Variants in FHIP2B observed in about 807,000 individuals in gnomAD.
The protein encoded by FHIP2B is FHF complex subunit HOOK interacting protein 2B, also known as FHF complex subunit HOOK-interacting protein 2B.
Under a neutral mutation model 84.0 loss-of-function variants are expected in FHIP2B, and 72 were observed. The observed-to-expected ratio is 0.86, with a 90% CI of 0.71 to 1.04. The LOEUF (loss-of-function observed/expected upper bound fraction) is 1.04. Ranked by LOEUF, FHIP2B falls within the 50% of genes least tolerant of loss-of-function variation. FHIP2B has a pLI of 0.00. For synonymous variants in FHIP2B, 497 were observed against 418.7 expected (o/e 1.19, Z -2.28); for missense variants, 972 against 968.9 (o/e 1.00, Z -0.04).
chr8:22,096,618 C>T (rs952777793), intron 3 of FHIP2B, 109 bp downstream of exon 3: 26 of 1,374,842 alleles, frequency 1.9e-5, no homozygotes, highest in Non-Finnish European at 4.7e-6. Context: ...AGGTGGGAGA[C>T]CCTCTGAGTG....
At chr8:22,093,706 G>GTT (rs1328224891) in intron 1 of FHIP2B, among the ~76,000 whole-genome samples, 1 of 36,212 alleles carries the variant, frequency 2.8e-5, no homozygotes, top group African/African-American at 1.3e-4. Flanking sequence ...GAAAAGCTTT[G>GTT]TCTTTTTTTT....
chr8:22,089,513 C>T (rs1314437177), intron 1 of FHIP2B, among the ~76,000 whole-genome samples: 2 of 150,596 alleles, frequency 1.3e-5, no homozygotes, highest in South Asian at 4.1e-4. Flanking sequence ...CTCCCGACCG[C>T]CCCACCTCCC....
rs1826190360 is a variant in FHIP2B, at chr8:22,102,600, CA to C, written c.2066del (p.Gln689ArgfsTer2). The C allele has an allele frequency of 6.4e-7, 1 of 1,563,518 alleles. No individual in the cohort carries two copies. The highest frequency in any genetic ancestry group is 1.2e-5 in the South Asian group (1 of 84,916). On this transcript the variant is annotated frameshift_variant, in exon 16 of 17. Transcript: ENST00000289921. LOFTEE classifies it high-confidence loss of function. ...FPGKLLLVRK[Q>X]LTGQAPGEQL... Reference sequence around the variant, plus strand: ...AGGCAAGCTGCTCCTGGTGCGCAAGCAGTTGACGGGCCAGGCTCCTGGGGAG... The same window carrying C: ...AGGCAAGCTGCTCCTGGTGCGCAAGCGTTGACGGGCCAGGCTCCTGGGGAG...
intron 1 of FHIP2B, among the ~76,000 whole-genome samples, chr8:22,090,595 T>C (rs1329422512): frequency 6.6e-6 from 1 of 152,220 alleles, no homozygotes; most frequent in Non-Finnish European, 1.5e-5. Flanking sequence ...GGCCAGACAG[T>C]TCCTCAGTCC....
At chr8:22,093,992 C>T (rs574981626) in intron 1 of FHIP2B, among the ~76,000 whole-genome samples, 3 of 152,260 alleles carry the variant, frequency 2.0e-5, no homozygotes, top group Admixed American at 2.0e-4. Flanking sequence ...GTTGGGCTTA[C>T]AGGCGTGAGC....
At chr8:22,094,175 G>C (rs1280058867) in intron 1 of FHIP2B, among the ~76,000 whole-genome samples, 1 of 152,184 alleles carries the variant, frequency 6.6e-6, no homozygotes, top group Non-Finnish European at 1.5e-5. Flanking sequence ...ACAGAGACAG[G>C]ACAGGATTGT....
chr8:22,100,978 G>A lies in FHIP2B; in HGVS notation c.1616+6G>A. On this transcript the variant is annotated splice_donor_region_variant and intron_variant, in intron 12 of 16. Coordinates refer to ENST00000289921, the MANE Select transcript of FHIP2B (RefSeq NM_022749.7). ...GTGACCGAGATCGTCAACAGGTGGGGAGCAAGTTAGGCAGTCTGAACCACT... is the reference window on the plus strand; with the variant it reads ...GTGACCGAGATCGTCAACAGGTGGGAAGCAAGTTAGGCAGTCTGAACCACT... 1 of 1,613,536 alleles carries A rather than the reference G, an allele frequency of 6.2e-7. No individual in the cohort carries two copies. Among genetic ancestry groups the A allele is most frequent in the Non-Finnish European group, 8.5e-7 (1 of 1,179,750 alleles).
At chr8:22,091,463 C>T (rs189055625) in intron 1 of FHIP2B, among the ~76,000 whole-genome samples, 1 of 152,126 alleles carries the variant, frequency 6.6e-6, no homozygotes, top group East Asian at 1.9e-4. Flanking sequence ...AGGCTGGTCT[C>T]GAACTCCTGA....
intron 8 of FHIP2B, 95 bp from the exon 9 acceptor site, chr8:22,099,189 C>T (rs186860563): frequency 7.3e-5 from 112 of 1,535,878 alleles, no homozygotes; most frequent in Admixed American, 1.4e-4. Context: ...GGCCGGGACC[C>T]TCTCCTGTGG....
At position 22,101,726 on chromosome 8, in the gene FHIP2B, C is replaced by T. The variant is rs780495400; in HGVS notation, c.1726C>T (p.Arg576Cys). 1.4e-5 allele frequency: 22 copies of T among 1,612,132 alleles called. No individual in the cohort carries two copies. The highest frequency in any genetic ancestry group is 5.5e-5 in the South Asian group (5 of 90,746). ...GTCTCAGTTCCAGGAGTGCAGCTCC[C>T]GCGTCGCCTCCTGGGGCTGGCCTCT... is the stretch of plus-strand genomic sequence containing the variant. ...AYGLFQECSS[R>C]VASWGWPLTP... Residue 576 changes from arginine (R) to cysteine (C), a missense_variant, in exon 14 of 17, where the codon CGC (arginine) becomes TGC (cysteine). Arg to Cys is a radical substitution (Grantham distance 180). Coordinates refer to ENST00000289921, the MANE Select transcript of FHIP2B (RefSeq NM_022749.7).
At chr8:22,101,633 T>C in intron 13 of FHIP2B, 75 bp from the exon 14 acceptor site, 1 of 1,557,484 alleles carries the variant, frequency 6.4e-7, no homozygotes, top group East Asian at 2.4e-5. Context: ...CCCCAGCCCA[T>C]CCCTCCTGCG....
At chr8:22,091,240 CTTTTTTT>C (rs71204535) in intron 1 of FHIP2B, among the ~76,000 whole-genome samples, 1 of 117,710 alleles carries the variant, frequency 8.5e-6, no homozygotes, top group Non-Finnish European at 1.8e-5. Flanking sequence ...ATCATTACAG[CTTTTTTT>C]TTTTTTTTTT....
chr8:22,093,083 G>A (rs1825578788), intron 1 of FHIP2B, among the ~76,000 whole-genome samples: 1 of 152,150 alleles, frequency 6.6e-6, no homozygotes, highest in Non-Finnish European at 1.5e-5. Context: ...TAAAGTGTGA[G>A]GTCAGAGAGG....
chr8:22,098,084 G>A lies in FHIP2B; in HGVS notation c.542G>A (p.Gly181Asp). Residue 181 changes from glycine (G) to aspartate (D), a missense_variant, in exon 6 of 17, where the codon GGT becomes GAT. Physicochemically the swap from Gly to Asp is moderately conservative, Grantham distance 94. Transcript: ENST00000289921. ...TCTTTTCAGGGTAAAAAGATTGTAG[G>A]TAGGAAGAAAGCATGCGGAGAACCC... ...AYILEGKKIV[G>D]RKKACGEPTA... The A allele has an allele frequency of 6.3e-7, 1 of 1,592,556 alleles. No homozygotes were observed.
chr8:22,100,770 C>T, intron 11 of FHIP2B, 31 bp downstream of exon 11: 1 of 1,609,298 alleles, frequency 6.2e-7, no homozygotes, highest in Non-Finnish European at 8.5e-7. Context: ...TTGGACTCAG[C>T]CCAGCCCTTA....
rs1203437038 is a variant in FHIP2B, at chr8:22,098,230, C to A, written c.688C>A (p.Pro230Thr). Residue 230 changes from proline (P) to threonine (T), a missense_variant, in exon 6 of 17, where the codon CCT (proline) becomes ACT (threonine). Coordinates refer to ENST00000289921, the MANE Select transcript of FHIP2B (RefSeq NM_022749.7). ...GGCCCAGGCCTTGAACAGCCACATG[C>A]CTGCTGAGACCGAGGAGCTGGACGG... The part of the protein sequence containing the change: ...CGAQALNSHM[P>T]AETEELDGGT... 6.3e-7 allele frequency: 1 copy of A among 1,590,004 alleles called. No homozygotes were observed. Among genetic ancestry groups the A allele is most frequent in the South Asian group, 1.1e-5 (1 of 87,248 alleles).
At chr8:22,100,442 C>A in intron 10 of FHIP2B, 152 bp from the exon 11 acceptor site, 1 of 785,318 alleles carries the variant, frequency 1.3e-6, no homozygotes, top group Non-Finnish European at 1.8e-6. Context: ...GCCCACACCC[C>A]CCAACTACCC....
chr8:22,090,776 C>T (rs1825449623), intron 1 of FHIP2B, among the ~76,000 whole-genome samples: 1 of 152,196 alleles, frequency 6.6e-6, no homozygotes, highest in South Asian at 2.1e-4. Flanking sequence ...AGGCATGCGG[C>T]ACCACGCCAG....
At chr8:22,090,398 T>G (rs1825426025) in intron 1 of FHIP2B, among the ~76,000 whole-genome samples, 1 of 152,072 alleles carries the variant, frequency 6.6e-6, no homozygotes, top group African/African-American at 2.4e-5. Context: ...AACTATGACT[T>G]CCTCCACCTT....
Sources: gnomAD v4.1 joint callset for allele counts (sites outside exome capture counted in the v4.1 genomes callset) on GRCh38, gnomAD v4.1.1 for gene constraint, MANE v1.5 for transcripts, NCBI Gene and HGNC (gene_info 2026-07-23, HGNC 2026-07-21) for gene names.